The following CNTN5 variants were observed in gnomAD, a reference collection of about 807,000 sequenced individuals.
CNTN5 encodes contactin-5.
Under a neutral mutation model 129.1 loss-of-function variants are expected in CNTN5, and 77 were observed. The observed-to-expected ratio is 0.60, with a 90% CI of 0.50 to 0.72. CNTN5 has a LOEUF of 0.72. CNTN5 is among the 30% of genes least tolerant of loss of function. The pLI is 0.00. For missense variants in CNTN5, 1,478 were observed against 1,328.8 expected, an observed-to-expected ratio of 1.11 and a Z score of -1.75; for synonymous variants, 509 against 465.6, an observed-to-expected ratio of 1.09 and a Z score of -1.20.
intron 3 of CNTN5, among the ~76,000 whole-genome samples, chr11:99,798,617 T>C (rs556206786): frequency 1.3e-5 from 2 of 152,254 alleles, no homozygotes; most frequent in South Asian, 4.1e-4. Flanking sequence ...TCTGTTCCAT[T>C]GATTTGTGTG....
chr11:99,601,981 CTATATACCTA>C (rs1276821682), intron 3 of CNTN5, among the ~76,000 whole-genome samples: 1 of 151,974 alleles, frequency 6.6e-6, no homozygotes, highest in East Asian at 1.9e-4. Context: ...CTATATATAC[CTATATACCTA>C]TATATACCTA....
intron 12 of CNTN5, 139 bp downstream of exon 12, chr11:100,071,973 AT>A (rs903819000): frequency 4.5e-5 from 36 of 797,364 alleles, no homozygotes; most frequent in South Asian, 6.5e-5. Flanking sequence ...TGTCTTGCTG[AT>A]TTTTTTTAAC....
intron 3 of CNTN5, among the ~76,000 whole-genome samples, chr11:99,766,472 ACT>A (rs946890387): frequency 9.2e-5 from 14 of 151,880 alleles, no homozygotes; most frequent in African/African-American, 3.1e-4. Flanking sequence ...ATTATGGATA[ACT>A]CTATTTTATG....
chr11:100,341,300 C>G (rs1027911644), intron 23 of CNTN5, 95 bp downstream of exon 23: 30 of 859,264 alleles, frequency 3.5e-5, no homozygotes, highest in Non-Finnish European at 5.3e-5. Flanking sequence ...ACCCATTAAC[C>G]AACCTATTTT....
In CNTN5 at chr11:100,070,432, C is replaced by T. The variant is rs763678196; in HGVS notation, c.1171C>T (p.His391Tyr). Residue 391 changes from histidine (H) to tyrosine (Y), a missense_variant, in exon 11 of 25, where the codon CAC becomes TAC. His to Tyr is a moderately conservative substitution (Grantham distance 83). Coordinates refer to ENST00000524871, the MANE Select transcript of CNTN5 (RefSeq NM_014361.4). ...TGCTTACATACTTACAGCCTACCCA[C>T]ACTGGGTAGAAAAACTGAATGATAC... ...RGQLQVYTYP[H>Y]WVEKLNDTQL... 1 of 1,611,594 alleles carries T rather than the reference C, an allele frequency of 6.2e-7. No homozygotes were observed. The highest frequency in any genetic ancestry group is 1.1e-5 in the South Asian group (1 of 90,840).
intron 3 of CNTN5, among the ~76,000 whole-genome samples, chr11:99,680,141 T>G (rs2134708450): frequency 6.6e-6 from 1 of 152,248 alleles, no homozygotes; most frequent in Non-Finnish European, 1.5e-5. Flanking sequence ...AAAGTGCTGA[T>G]GTAGAAACTG....
intron 7 of CNTN5, among the ~76,000 whole-genome samples, chr11:99,949,714 G>A (rs10431096): frequency 0.07 from 10,698 of 152,008 alleles, 775 homozygotes; most frequent in East Asian, 0.31. Context: ...AGGGCTCCTG[G>A]GATAAAAATG....
intron 2 of CNTN5, among the ~76,000 whole-genome samples, chr11:99,437,252 T>C (rs1591055587): frequency 6.6e-6 from 1 of 152,230 alleles, no homozygotes. Context: ...CCTGATGTTA[T>C]GTTAAAGTCA....
intron 3 of CNTN5, among the ~76,000 whole-genome samples, chr11:99,772,376 G>C (rs1302652475): frequency 6.6e-6 from 1 of 151,940 alleles, no homozygotes; most frequent in Non-Finnish European, 1.5e-5. Flanking sequence ...ATTTTCTAGA[G>C]GAAATGACAC....
intron 3 of CNTN5, among the ~76,000 whole-genome samples, chr11:99,738,991 A>T (rs1172813999): frequency 1.3e-5 from 2 of 152,292 alleles, no homozygotes; most frequent in South Asian, 4.1e-4. Flanking sequence ...TACAAGGCCC[A>T]GATGTAATAA....
chr11:100,177,371 C>T (rs137937736), intron 13 of CNTN5, among the ~76,000 whole-genome samples: 4 of 152,168 alleles, frequency 2.6e-5, no homozygotes, highest in South Asian at 4.1e-4. Context: ...ATAGTAATTG[C>T]GTGTTTACTT....
chr11:99,497,269 A>G (rs1181376042), intron 2 of CNTN5, among the ~76,000 whole-genome samples: 1 of 152,236 alleles, frequency 6.6e-6, no homozygotes. Flanking sequence ...GTATGTTTCT[A>G]AAAACCTAAT....
rs78150156 is a variant in CNTN5 at position 100,226,141 on chromosome 11, A to G, written c.2005+1329A>G. 8.4e-3 allele frequency among the ~76,000 whole-genome samples: 1,276 copies of G among 152,198 alleles called. 13 individuals carry two copies. Among genetic ancestry groups the G allele is most frequent in the Non-Finnish European group, 0.014 (942 of 67,958 alleles). ...TTTTTAAAGTATTCATCCTTTCAAT[A>G]CATTCTATTCCATTTAGCTAAAAAT... On this transcript the variant is annotated intron_variant, in intron 16 of 24. Transcript: ENST00000524871.
At chr11:100,265,492 C>T (rs1950284854) in intron 17 of CNTN5, among the ~76,000 whole-genome samples, 1 of 152,112 alleles carries the variant, frequency 6.6e-6, no homozygotes. Flanking sequence ...TTCATAGTTG[C>T]TCCCTCATTC....
intron 6 of CNTN5, among the ~76,000 whole-genome samples, chr11:99,865,483 A>T (rs570418869): frequency 6.6e-6 from 1 of 151,870 alleles, no homozygotes; most frequent in African/African-American, 2.4e-5. Context: ...ATCATGGCTT[A>T]TAAAATTATT....
At chr11:99,158,775 T>G (rs1860457159) in intron 1 of CNTN5, among the ~76,000 whole-genome samples, 1 of 152,248 alleles carries the variant, frequency 6.6e-6, no homozygotes, top group African/African-American at 2.4e-5. Flanking sequence ...GTATATCTTG[T>G]GTAATTCTGT....
chr11:99,628,611 G>GAT (rs1951217714), intron 3 of CNTN5, among the ~76,000 whole-genome samples: 1 of 147,146 alleles, frequency 6.8e-6, no homozygotes, highest in Non-Finnish European at 1.5e-5. Flanking sequence ...GCTAAATAAT[G>GAT]ACACACACAC....
At chr11:100,333,331 T>C (rs1478907229) in intron 21 of CNTN5, among the ~76,000 whole-genome samples, 2 of 137,350 alleles carry the variant, frequency 1.5e-5, no homozygotes, top group Non-Finnish European at 3.0e-5. Flanking sequence ...ATTGTCAAAA[T>C]GACCATACTG....
At chr11:100,261,534 C>G (rs1199502608) in intron 17 of CNTN5, among the ~76,000 whole-genome samples, 2 of 152,186 alleles carry the variant, frequency 1.3e-5, no homozygotes, top group African/African-American at 4.8e-5. Flanking sequence ...ATCACGCTAC[C>G]TGAACTCAAA....
Sources: gnomAD v4.1 joint callset for allele counts (sites outside exome capture counted in the v4.1 genomes callset) on GRCh38, gnomAD v4.1.1 for gene constraint, MANE v1.5 for transcripts, NCBI Gene and HGNC (gene_info 2026-07-23, HGNC 2026-07-21) for gene names.